TRAPPC12: variants seen among roughly 807,000 people sequenced by gnomAD.
TRAPPC12 encodes TPR repeat protein 15.
In TRAPPC12, 61 loss-of-function variants were observed where a neutral mutation model predicts 69.2. The observed-to-expected ratio is 0.88, with a 90% CI of 0.72 to 1.09. The LOEUF is 1.09. Ranked by LOEUF, TRAPPC12 falls within the 50% of genes least tolerant of loss-of-function variation. The pLI is 0.00. For synonymous variants in TRAPPC12, 469 were observed against 438.9 expected, an observed-to-expected ratio of 1.07 and a Z score of -0.86; for missense variants, 1,101 against 1,016.4, an observed-to-expected ratio of 1.08 and a Z score of -1.13.
At position 3,477,688 on chromosome 2, in the gene TRAPPC12, A is replaced by C. The variant is rs1188520907; in HGVS notation, c.1777-7A>C. 1 of 1,588,686 alleles carries C rather than the reference A, an allele frequency of 6.3e-7. No individual in the cohort carries two copies. The highest frequency in any genetic ancestry group is 8.6e-7 in the Non-Finnish European group (1 of 1,168,254). On this transcript the variant is annotated splice_region_variant and splice_polypyrimidine_tract_variant and intron_variant, in intron 9 of 11. Coordinates refer to ENST00000324266, the MANE Select transcript of TRAPPC12 (RefSeq NM_016030.6). ...TCAACTAAACTGACTAAATTTTGTC[A>C]AAGCAGATTGGAGACATAAAAACAG...
At chr2:3,410,670 A>G (rs1390724189) in intron 3 of TRAPPC12, among the ~76,000 whole-genome samples, 1 of 152,230 alleles carries the variant, frequency 6.6e-6, no homozygotes, top group Non-Finnish European at 1.5e-5. Flanking sequence ...ATCCATAATC[A>G]GATCTTCCCG....
At chr2:3,408,645 AAAT>A (rs1475975999) in intron 3 of TRAPPC12, among the ~76,000 whole-genome samples, 1 of 152,166 alleles carries the variant, frequency 6.6e-6, no homozygotes, top group Non-Finnish European at 1.5e-5. Context: ...ATTTAAAAAA[AAAT>A]AATAATAACA....
At position 3,388,030 on chromosome 2, in the gene TRAPPC12, C is replaced by T; in HGVS notation, c.407C>T (p.Ala136Val). 2 of 1,478,182 alleles carry T rather than the reference C, an allele frequency of 1.4e-6. No individual in the cohort carries two copies. Among genetic ancestry groups the T allele is most frequent in the Non-Finnish European group, 1.8e-6 (2 of 1,121,018 alleles). 91.6% of individuals were successfully genotyped at this position (1,478,182 alleles called of 1,614,324 possible). Residue 136 changes from alanine (A) to valine (V), a missense_variant, in exon 2 of 12, where the codon GCC becomes GTC. Ala to Val is a moderately conservative substitution (Grantham distance 64, BLOSUM62 0). Transcript: ENST00000324266. The part of the protein sequence containing the change: ...SSGGAPRQDA[A>V]REVPGSEAAR... ...GGAGGGGCCCCGAGGCAGGACGCGG[C>T]CCGCGAGGTCCCAGGCAGCGAAGCC...
In TRAPPC12 at chr2:3,438,393, C is replaced by CCCTGGATTAATCCCCCATCACG. The variant is rs1416607547; in HGVS notation, c.1418-5374_1418-5353dup. On this transcript the variant is annotated intron_variant, in intron 5 of 11. Coordinates refer to ENST00000324266, the MANE Select transcript of TRAPPC12 (RefSeq NM_016030.6). ...CACCCCTGGATTGATCCCCCATCAC[C>CCCTGGATTAATCCCCCATCACG]CCTGGATTAATCCCCCATCACGCCT... Among the ~76,000 whole-genome samples, 42 of 145,396 alleles carry CCCTGGATTAATCCCCCATCACG rather than the reference C, an allele frequency of 2.9e-4. 1 individual carries two copies. Among genetic ancestry groups the CCCTGGATTAATCCCCCATCACG allele is most frequent in the African/African-American group, 1.1e-3 (41 of 38,768 alleles).
chr2:3,382,091 T>C (rs966859793), intron 1 of TRAPPC12, among the ~76,000 whole-genome samples: 3 of 152,090 alleles, frequency 2.0e-5, no homozygotes, highest in Non-Finnish European at 2.9e-5. Context: ...AGTCTACTTA[T>C]TTACTTATTA....
chr2:3,431,960 CCT>C (rs1462316933), intron 5 of TRAPPC12, among the ~76,000 whole-genome samples: 3 of 152,126 alleles, frequency 2.0e-5, no homozygotes, highest in African/African-American at 7.2e-5. Flanking sequence ...TGGAATTACC[CCT>C]CTCGTTCCAA....
chr2:3,401,698 T>G, intron 2 of TRAPPC12, 79 bp from the exon 3 acceptor site: 1 of 866,364 alleles, frequency 1.2e-6, no homozygotes, highest in Non-Finnish European at 1.7e-6. Flanking sequence ...AAAGAAATTG[T>G]GTTTAGTTAT....
At chr2:3,477,325 A>G (rs995490669) in intron 9 of TRAPPC12, among the ~76,000 whole-genome samples, 1 of 152,266 alleles carries the variant, frequency 6.6e-6, no homozygotes, top group Non-Finnish European at 1.5e-5. Context: ...TCATAAGTTG[A>G]CGTAGGACCT....
At chr2:3,454,797 C>T (rs1665048632) in intron 6 of TRAPPC12, 1 of 152,422 alleles carries the variant, frequency 6.6e-6, no homozygotes, top group Admixed American at 6.5e-5. Context: ...CTGAGACCAC[C>T]ATGGCCCTGT....
chr2:3,421,447 A>C (rs777330599), intron 3 of TRAPPC12, among the ~76,000 whole-genome samples: 1 of 152,274 alleles, frequency 6.6e-6, no homozygotes, highest in African/African-American at 2.4e-5. Flanking sequence ...GTCATATGCA[A>C]ATCTTACAGA....
intron 5 of TRAPPC12, among the ~76,000 whole-genome samples, chr2:3,426,441 G>A (rs1366648211): frequency 1.3e-5 from 2 of 152,252 alleles, no homozygotes; most frequent in South Asian, 2.1e-4. Context: ...GGCCTGTCCA[G>A]TCCTGCTGGC....
chr2:3,460,395 C>A (rs907764963), intron 8 of TRAPPC12, 59 bp downstream of exon 8: 2 of 828,946 alleles, frequency 2.4e-6, no homozygotes, highest in Non-Finnish European at 4.2e-6. Context: ...TCAGTGGGAG[C>A]CGCGAGGGAG....
chr2:3,477,867 G>C (rs927326958), intron 10 of TRAPPC12, 72 bp downstream of exon 10: 13 of 1,002,724 alleles, frequency 1.3e-5, no homozygotes, highest in African/African-American at 3.3e-5. Context: ...TTACTGAGTT[G>C]GAAAGCTCCC....
intron 5 of TRAPPC12, among the ~76,000 whole-genome samples, chr2:3,429,125 A>G (rs1194979357): frequency 6.6e-6 from 1 of 152,128 alleles, no homozygotes; most frequent in Non-Finnish European, 1.5e-5. Flanking sequence ...GAAAGCTCAC[A>G]TTTGTGTTTA....
chr2:3,421,186 T>C (rs1401795305), intron 3 of TRAPPC12, among the ~76,000 whole-genome samples: 3 of 152,246 alleles, frequency 2.0e-5, no homozygotes, highest in African/African-American at 7.2e-5. Context: ...TGATCTTATT[T>C]TCCCATTCAT....
intron 3 of TRAPPC12, among the ~76,000 whole-genome samples, chr2:3,415,049 A>T (rs12474811): frequency 5.3e-5 from 8 of 151,912 alleles, no homozygotes; most frequent in Non-Finnish European, 1.2e-4. Context: ...GTATCCCAGG[A>T]GTCCTGGAAC....
At chr2:3,404,788 G>A (rs1235548992) in intron 3 of TRAPPC12, among the ~76,000 whole-genome samples, 3 of 151,372 alleles carry the variant, frequency 2.0e-5, no homozygotes, top group East Asian at 1.9e-4. Context: ...ACCCCCAGTC[G>A]GTAAGCTACT....
At chr2:3,412,338 A>G (rs1396816472) in intron 3 of TRAPPC12, among the ~76,000 whole-genome samples, 3 of 152,174 alleles carry the variant, frequency 2.0e-5, no homozygotes, top group Non-Finnish European at 2.9e-5. Context: ...AGGCAGGTGG[A>G]TCACCTGAGG....
At chr2:3,401,536 G>A (rs1661443915) in intron 2 of TRAPPC12, among the ~76,000 whole-genome samples, 1 of 152,186 alleles carries the variant, frequency 6.6e-6, no homozygotes, top group Non-Finnish European at 1.5e-5. Flanking sequence ...CTGATCAGTG[G>A]TGAATAAAGA....
Sources: allele counts gnomAD v4.1 joint callset (sites outside exome capture counted in the v4.1 genomes callset), GRCh38; gene constraint gnomAD v4.1.1; transcripts MANE v1.5; gene names NCBI Gene and HGNC (gene_info 2026-07-23, HGNC 2026-07-21).